The following SLC5A12 variants were observed in gnomAD, a reference collection of about 807,000 sequenced individuals.
SLC5A12 encodes the protein sodium-coupled monocarboxylate transporter 2.
A neutral mutation model predicts 72.7 loss-of-function variants in SLC5A12; 46 were observed. That is an observed-to-expected ratio of 0.63 (90% CI 0.50 to 0.81). SLC5A12 has a LOEUF of 0.81. Ranked by LOEUF, SLC5A12 falls within the 30% of genes least tolerant of loss-of-function variation. The pLI is 0.00. For synonymous variants in SLC5A12, 275 were observed against 264.4 expected, an observed-to-expected ratio of 1.04 and a Z score of -0.39; for missense variants, 683 against 740.7, an observed-to-expected ratio of 0.92 and a Z score of 0.90.
chr11:26,718,179 A>G (rs1855395084), intron 1 of SLC5A12, among the ~76,000 whole-genome samples: 1 of 152,222 alleles, frequency 6.6e-6, no homozygotes, highest in Non-Finnish European at 1.5e-5. Flanking sequence ...TAGACAGATT[A>G]AGTGGTATAA....
chr11:26,711,428 C>G (rs1855226524), intron 2 of SLC5A12, 70 bp from the exon 3 acceptor site: 1 of 1,200,522 alleles, frequency 8.3e-7, no homozygotes, highest in African/African-American at 1.5e-5. Context: ...CTAGAAAGTT[C>G]TTTATCGACG....
At chr11:26,707,809 G>C (rs1409119684) in intron 4 of SLC5A12, among the ~76,000 whole-genome samples, 1 of 151,866 alleles carries the variant, frequency 6.6e-6, no homozygotes, top group Admixed American at 6.6e-5. Flanking sequence ...ATGATATTTT[G>C]TTAAAGTTAT....
chr11:26,695,410 T>C (rs1257730963), intron 8 of SLC5A12, among the ~76,000 whole-genome samples: 1 of 152,164 alleles, frequency 6.6e-6, no homozygotes, highest in Non-Finnish European at 1.5e-5. Context: ...ATTTCTTATA[T>C]GTATAGTCTA....
chr11:26,703,093 G>A (rs990140600), intron 6 of SLC5A12, among the ~76,000 whole-genome samples: 2 of 152,004 alleles, frequency 1.3e-5, no homozygotes, highest in Non-Finnish European at 2.9e-5. Flanking sequence ...ATAAATCACT[G>A]TTCATTCAAA....
At chr11:26,687,246 T>C (rs1854559431) in intron 9 of SLC5A12, among the ~76,000 whole-genome samples, 1 of 152,222 alleles carries the variant, frequency 6.6e-6, no homozygotes, top group Non-Finnish European at 1.5e-5. Context: ...ATTGTTTTTA[T>C]ACATCTTTGT....
intron 13 of SLC5A12, among the ~76,000 whole-genome samples, chr11:26,677,082 G>A (rs1734280682): frequency 6.6e-6 from 1 of 151,622 alleles, no homozygotes; most frequent in African/African-American, 2.4e-5. Flanking sequence ...GAGCAGACCT[G>A]AGGTTATCAG....
chr11:26,710,327 T>C (rs972407508), intron 3 of SLC5A12, among the ~76,000 whole-genome samples: 1 of 152,158 alleles, frequency 6.6e-6, no homozygotes, highest in Non-Finnish European at 1.5e-5. Flanking sequence ...AATAAACATA[T>C]GTGTGCATGT....
chr11:26,707,109 A>G (rs1166734885), intron 4 of SLC5A12, among the ~76,000 whole-genome samples: 1 of 151,932 alleles, frequency 6.6e-6, no homozygotes, highest in African/African-American at 2.4e-5. Context: ...CAAAAACACA[A>G]TTATGACTGG....
chr11:26,712,480 G>T (rs1450580803), intron 2 of SLC5A12, among the ~76,000 whole-genome samples, 161 bp downstream of exon 2: 1 of 151,858 alleles, frequency 6.6e-6, no homozygotes, highest in African/African-American at 2.4e-5. Context: ...ATATACATTT[G>T]TTTGTTATTT....
At chr11:26,681,408 G>T (rs1462008467) in intron 11 of SLC5A12, among the ~76,000 whole-genome samples, 187 bp from the exon 12 acceptor site, 1 of 152,082 alleles carries the variant, frequency 6.6e-6, no homozygotes, top group East Asian at 1.9e-4. Context: ...ATTAAGGAGT[G>T]ACTTGTTCTT....
At chr11:26,711,190 C>A (rs1047618938) in intron 3 of SLC5A12, 117 bp downstream of exon 3, 3 of 807,268 alleles carry the variant, frequency 3.7e-6, no homozygotes, top group African/African-American at 3.5e-5. Flanking sequence ...AATAGTAATT[C>A]AGAATCCTCT....
chr11:26,713,421 C>G (rs1855278229), intron 1 of SLC5A12, among the ~76,000 whole-genome samples: 1 of 149,598 alleles, frequency 6.7e-6, no homozygotes, highest in South Asian at 2.1e-4. Context: ...GCCCCTCTCC[C>G]CAAATTTCAC....
In SLC5A12 at chr11:26,703,845, A is replaced by G; in HGVS notation, c.628T>C (p.Phe210Leu). Residue 210 changes from phenylalanine (F) to leucine (L), a missense_variant, in exon 5 of 15, where the codon TTC becomes CTC. Transcript: ENST00000396005. ...LIQGSTHAGGFHNVLEQSTNG... is the reference protein window; with the variant it reads ...LIQGSTHAGGLHNVLEQSTNG... ...GTTGATTGCTCTAATACATTGTGGA[A>G]TCCCCCAGCATGAGTTGATCCTTGA... is the stretch of plus-strand genomic sequence containing the variant. The G allele has an allele frequency of 6.2e-7, 1 of 1,613,986 alleles. No individual in the cohort carries two copies. The highest frequency in any genetic ancestry group is 1.7e-4 in the Middle Eastern group (1 of 6,060).
chr11:26,692,241 G>T (rs1007486180), intron 9 of SLC5A12: 1 of 346,476 alleles, frequency 2.9e-6, no homozygotes, highest in Non-Finnish European at 5.3e-6. Flanking sequence ...GATAAGCCTC[G>T]TCTAGAGTGT....
In SLC5A12 at chr11:26,703,515, TTGAC is replaced by T. The variant is rs1227782918; in HGVS notation, c.821+12_821+15del. The stretch of plus-strand genomic sequence containing the variant: ...GTAAGATAAAACATTAAAATTTTTC[TTGAC>T]TGAGAACTTACAGCTTAGCATGCTT... On this transcript the variant is annotated intron_variant, in intron 6 of 14. Transcript: ENST00000396005. 1 of 1,611,632 alleles carries T rather than the reference TTGAC, an allele frequency of 6.2e-7. No homozygotes were observed. The highest frequency in any genetic ancestry group is 8.5e-7 in the Non-Finnish European group (1 of 1,179,616).
At chr11:26,719,035 T>C (rs1236640623) in intron 1 of SLC5A12, among the ~76,000 whole-genome samples, 1 of 152,172 alleles carries the variant, frequency 6.6e-6, no homozygotes, top group Non-Finnish European at 1.5e-5. Context: ...GAATCAAATC[T>C]CCTCAGTTAC....
intron 9 of SLC5A12, 109 bp from the exon 10 acceptor site, chr11:26,686,653 G>T (rs1168178506): frequency 2.2e-6 from 2 of 903,122 alleles, no homozygotes; most frequent in Non-Finnish European, 3.5e-6. Context: ...TTTGCAAAGG[G>T]ATCTCAGCGA....
chr11:26,721,385 G>A lies in SLC5A12; in HGVS notation c.330C>T (p.Ser110=). The A allele has an allele frequency of 6.2e-7, 1 of 1,605,400 alleles. No homozygotes were observed. Among genetic ancestry groups the A allele is most frequent in the Non-Finnish European group, 8.5e-7 (1 of 1,174,774 alleles). Residue 110 remains serine, a synonymous_variant, in exon 1 of 15, where the codon AGC becomes AGT. Coordinates refer to ENST00000396005, the MANE Select transcript of SLC5A12 (RefSeq NM_178498.4). The part of the protein sequence containing the change: ...LPVFYRSGIT[S]TYEYLQLRFN... ...GGAGAAATCATCTTACCTCATAAGT[G>A]CTGGTGATACCAGATCTGTAGAACA...
chr11:26,718,529 GTTCAC>G, intron 1 of SLC5A12, among the ~76,000 whole-genome samples: 1 of 152,052 alleles, frequency 6.6e-6, no homozygotes, highest in East Asian at 1.9e-4. Flanking sequence ...GATCTCGGCA[GTTCAC>G]TGCAACCTCC....
Sources: allele counts gnomAD v4.1 joint callset (sites outside exome capture counted in the v4.1 genomes callset), GRCh38; gene constraint gnomAD v4.1.1; transcripts MANE v1.5; gene names NCBI Gene and HGNC (gene_info 2026-07-23, HGNC 2026-07-21).